Variants in PLCZ1 observed in about 807,000 individuals in gnomAD.
The protein encoded by PLCZ1 is phospholipase C zeta 1.
PLCZ1 carries 64 observed loss-of-function variants against 76.8 expected under a neutral mutation model. That is an observed-to-expected ratio of 0.83 (90% CI 0.68 to 1.03). The LOEUF is 1.03. PLCZ1 is among the 50% of genes least tolerant of loss of function. The probability of loss-of-function intolerance (pLI) is 0.00; values close to 1 mark genes in which losing one functional copy is unlikely to be tolerated. For synonymous variants in PLCZ1, 248 were observed against 230.8 expected, an observed-to-expected ratio of 1.07 and a Z score of -0.68; for missense variants, 751 against 713.7, an observed-to-expected ratio of 1.05 and a Z score of -0.60.
intron 10 of PLCZ1, 70 bp from the exon 11 acceptor site, chr12:18,696,336 A>ATATATATATATATATATC (rs1250262835): frequency 1.9e-5 from 5 of 258,834 alleles, no homozygotes; most frequent in African/African-American, 1.4e-4. Context: ...ATATATATAT[A>ATATATATATATATATATC]TATATATATA....
the PLCZ1 span, among the ~76,000 whole-genome samples, chr12:18,663,332 C>T: frequency 5.3e-5 from 8 of 151,998 alleles, no homozygotes; most frequent in Non-Finnish European, 1.2e-4. Flanking sequence ...AACCATGAGT[C>T]CAGAAAAACT....
chr12:18,661,335 C>T, the PLCZ1 span, among the ~76,000 whole-genome samples: 80 of 117,882 alleles, frequency 6.8e-4, no homozygotes, highest in African/African-American at 1.7e-3. Context: ...CAGAAAGACC[C>T]GTACCAAGAC....
the PLCZ1 span, among the ~76,000 whole-genome samples, chr12:18,669,384 G>A: frequency 6.6e-6 from 1 of 152,134 alleles, no homozygotes; most frequent in Non-Finnish European, 1.5e-5. Context: ...ATAATAAATT[G>A]GTGTGTGGTA....
At chr12:18,697,670 T>C (rs1168768204) in intron 10 of PLCZ1, among the ~76,000 whole-genome samples, 1 of 152,170 alleles carries the variant, frequency 6.6e-6, no homozygotes, top group African/African-American at 2.4e-5. Flanking sequence ...TTCACATATA[T>C]CTTCCCATTC....
intron 12 of PLCZ1, chr12:18,692,785 G>A (rs1954320512): frequency 7.0e-7 from 1 of 1,422,042 alleles, no homozygotes; most frequent in Non-Finnish European, 9.9e-7. Flanking sequence ...CAGAGTGGTG[G>A]TCATGGTCCT....
the PLCZ1 span, among the ~76,000 whole-genome samples, chr12:18,650,712 CTATATATATATATA>C: frequency 1.3e-3 from 19 of 14,612 alleles, no homozygotes; most frequent in South Asian, 3.5e-3. Flanking sequence ...GTGTATATAT[CTATATATATATATA>C]TATATATATA....
intron 3 of PLCZ1, among the ~76,000 whole-genome samples, chr12:18,725,714 G>C (rs11044267): frequency 0.2 from 30,416 of 151,972 alleles, 3,229 homozygotes; most frequent in East Asian, 0.32. Context: ...CAGGTGCTCT[G>C]AATTAGTTGC....
At chr12:18,736,553 G>A (rs960642507) in intron 2 of PLCZ1, 3 of 1,267,286 alleles carry the variant, frequency 2.4e-6, no homozygotes, top group East Asian at 3.5e-5. Flanking sequence ...GCATAGCACA[G>A]TAAAAATACA....
the PLCZ1 span, among the ~76,000 whole-genome samples, chr12:18,668,845 A>T: frequency 6.6e-6 from 1 of 152,178 alleles, no homozygotes. Context: ...ACACGAGTGC[A>T]GAAGGAGCTT....
At chr12:18,655,907 T>G in the PLCZ1 span, among the ~76,000 whole-genome samples, 1 of 152,310 alleles carries the variant, frequency 6.6e-6, no homozygotes, top group African/African-American at 2.4e-5. Flanking sequence ...GACTACTCTA[T>G]GTAATGTGGT....
intron 3 of PLCZ1, among the ~76,000 whole-genome samples, chr12:18,727,760 T>C (rs954691747): frequency 9.2e-5 from 14 of 152,184 alleles, no homozygotes; most frequent in African/African-American, 3.1e-4. Context: ...AAGATTACTC[T>C]GGCAGCAGTG....
chr12:18,706,257 G>A (rs1592154848), intron 6 of PLCZ1, among the ~76,000 whole-genome samples: 3 of 150,536 alleles, frequency 2.0e-5, no homozygotes, highest in African/African-American at 2.4e-5. Flanking sequence ...AAAAAAAAAA[G>A]AAGAAGACAG....
chr12:18,725,587 C>A (rs550038044), intron 3 of PLCZ1, among the ~76,000 whole-genome samples: 1 of 152,250 alleles, frequency 6.6e-6, no homozygotes, highest in Non-Finnish European at 1.5e-5. Context: ...AAAGTTCTCA[C>A]TGTACCTCCT....
At chr12:18,702,256 G>C (rs1956046920) in intron 7 of PLCZ1, among the ~76,000 whole-genome samples, 1 of 151,578 alleles carries the variant, frequency 6.6e-6, no homozygotes, top group African/African-American at 2.4e-5. Flanking sequence ...TCGTAATAAA[G>C]GCTCTTCAAA....
At chr12:18,725,156 T>C (rs949421241) in intron 3 of PLCZ1, among the ~76,000 whole-genome samples, 4 of 152,096 alleles carry the variant, frequency 2.6e-5, no homozygotes, top group African/African-American at 9.7e-5. Flanking sequence ...CCACACAGAA[T>C]AGTGAGAGTT....
the PLCZ1 span, among the ~76,000 whole-genome samples, chr12:18,677,455 A>G: frequency 6.6e-6 from 1 of 152,094 alleles, no homozygotes; most frequent in South Asian, 2.1e-4. Flanking sequence ...AGGGCTGGTT[A>G]GAAGGCAGAC....
At chr12:18,693,388 C>T in intron 12 of PLCZ1, 1 of 1,604,564 alleles carries the variant, frequency 6.2e-7, no homozygotes, top group Non-Finnish European at 8.5e-7. Flanking sequence ...GTGGAGCTTC[C>T]TCTCACCCAT....
At chr12:18,678,906 A>C (rs1009574985), downstream of PLCZ1, among the ~76,000 whole-genome samples, 1 of 152,068 alleles carries the variant, frequency 6.6e-6, no homozygotes, top group Non-Finnish European at 1.5e-5. Flanking sequence ...TGACTTTGTA[A>C]GAAATGGTCA....
At chr12:18,679,283 TTC>T (rs536982926), downstream of PLCZ1, among the ~76,000 whole-genome samples, 185 of 152,164 alleles carry the variant, frequency 1.2e-3, 1 homozygote, top group African/African-American at 4.2e-3. Context: ...AAGGCAGAAG[TTC>T]TTTTTAAAAA....
Sources: gnomAD v4.1 joint callset for allele counts (sites outside exome capture counted in the v4.1 genomes callset) on GRCh38, gnomAD v4.1.1 for gene constraint, MANE v1.5 for transcripts, NCBI Gene and HGNC (gene_info 2026-07-23, HGNC 2026-07-21) for gene names.